The following EBF1 variants were observed in gnomAD, a reference collection of about 807,000 sequenced individuals.
EBF1 encodes EBF transcription factor 1.
Under a neutral mutation model 68.4 loss-of-function variants are expected in EBF1, and 10 were observed. That is an observed-to-expected ratio of 0.15 (90% confidence interval 0.09 to 0.25). The LOEUF is 0.25. Among genes scored for constraint, EBF1 ranks in the 10% least tolerant of loss-of-function variants. The pLI is 1.00. For missense variants in EBF1, 509 were observed against 794.4 expected (o/e 0.64, Z 4.32); for synonymous variants, 298 against 299.8 (o/e 0.99, Z 0.06).
At chr5:158,833,114 A>T (rs116782319) in intron 7 of EBF1, among the ~76,000 whole-genome samples, 2,570 of 152,074 alleles carry the variant, frequency 0.017, 31 homozygotes, top group Non-Finnish European at 0.026. Context: ...ACCTACTTTA[A>T]GAGAGGTTGT....
chr5:158,733,644 G>A (rs1342285459), intron 10 of EBF1, among the ~76,000 whole-genome samples: 4 of 152,156 alleles, frequency 2.6e-5, no homozygotes, highest in African/African-American at 7.2e-5. Context: ...CTCCATGGAC[G>A]TGTACTATGA....
At chr5:158,742,012 C>A (rs887576732) in intron 10 of EBF1, among the ~76,000 whole-genome samples, 1 of 152,162 alleles carries the variant, frequency 6.6e-6, no homozygotes, top group Non-Finnish European at 1.5e-5. Flanking sequence ...CTAAATCCAC[C>A]GAGCTAATGA....
At chr5:158,819,679 T>TG (rs1378416521) in intron 8 of EBF1, among the ~76,000 whole-genome samples, 4 of 152,192 alleles carry the variant, frequency 2.6e-5, no homozygotes, top group African/African-American at 9.7e-5. Flanking sequence ...CCCGAGCTCA[T>TG]GCTTTTTCAA....
intron 10 of EBF1, among the ~76,000 whole-genome samples, chr5:158,738,203 C>T (rs965152435): frequency 3.9e-5 from 6 of 151,918 alleles, no homozygotes; most frequent in African/African-American, 9.7e-5. Flanking sequence ...TGTAGCTTAC[C>T]GTATTATACA....
At chr5:158,787,911 A>G (rs1196814516) in intron 9 of EBF1, among the ~76,000 whole-genome samples, 1 of 152,228 alleles carries the variant, frequency 6.6e-6, no homozygotes, top group Non-Finnish European at 1.5e-5. Context: ...ATCTAAATAT[A>G]AACTACCTAC....
chr5:159,075,967 C>G (rs568742816), intron 5 of EBF1, among the ~76,000 whole-genome samples: 1 of 152,264 alleles, frequency 6.6e-6, no homozygotes, highest in South Asian at 2.1e-4. Flanking sequence ...AGAGCTCAGC[C>G]TATAGCTCCT....
intron 5 of EBF1, among the ~76,000 whole-genome samples, chr5:159,080,918 G>A (rs1296043281): frequency 6.6e-6 from 1 of 152,226 alleles, no homozygotes; most frequent in Non-Finnish European, 1.5e-5. Context: ...ACAGCAGACA[G>A]TAGTCCCCCT....
intron 6 of EBF1, among the ~76,000 whole-genome samples, chr5:158,841,405 A>G (rs1451542241): frequency 6.6e-6 from 1 of 152,172 alleles, no homozygotes; most frequent in African/African-American, 2.4e-5. Context: ...AAGTTTTGCA[A>G]TCTCTTTTAC....
At chr5:158,844,726 T>C (rs1374449644) in intron 6 of EBF1, among the ~76,000 whole-genome samples, 4 of 152,238 alleles carry the variant, frequency 2.6e-5, no homozygotes, top group African/African-American at 4.8e-5. Flanking sequence ...TCTTAAACTG[T>C]TTAGTCTACT....
chr5:158,713,244 T>C (rs1759855369), intron 12 of EBF1, 97 bp from the exon 13 acceptor site: 4 of 1,101,476 alleles, frequency 3.6e-6, no homozygotes, highest in South Asian at 8.1e-5. Flanking sequence ...GGGTTTTCAA[T>C]GGTCAGCTGC....
chr5:158,855,668 G>A (rs1300582344), intron 6 of EBF1, among the ~76,000 whole-genome samples: 1 of 152,184 alleles, frequency 6.6e-6, no homozygotes. Flanking sequence ...ACGGTGCTTG[G>A]CATCTGGCAG....
chr5:159,003,209 G>A (rs1762911114), intron 6 of EBF1, among the ~76,000 whole-genome samples: 1 of 152,108 alleles, frequency 6.6e-6, no homozygotes, highest in Non-Finnish European at 1.5e-5. Flanking sequence ...AAACATCACT[G>A]GGTGTGTCTT....
intron 6 of EBF1, among the ~76,000 whole-genome samples, chr5:159,042,870 A>T (rs113132342): frequency 6.6e-6 from 1 of 151,936 alleles, no homozygotes; most frequent in East Asian, 1.9e-4. Context: ...TAAAAAAAAA[A>T]AAATAAAAAA....
At chr5:159,049,440 T>C (rs774908451) in intron 6 of EBF1, among the ~76,000 whole-genome samples, 45 of 152,224 alleles carry the variant, frequency 3.0e-4, no homozygotes, top group Non-Finnish European at 5.9e-4. Flanking sequence ...AAAAATCCAC[T>C]CAAAATGTTT....
At chr5:158,905,116 G>A (rs1418995457) in intron 6 of EBF1, among the ~76,000 whole-genome samples, 4 of 152,262 alleles carry the variant, frequency 2.6e-5, no homozygotes, top group African/African-American at 9.6e-5. Flanking sequence ...AACTTTAACT[G>A]GAATAAGCTC....
intron 6 of EBF1, among the ~76,000 whole-genome samples, chr5:158,980,018 C>T (rs1466969048): frequency 2.0e-5 from 3 of 151,886 alleles, no homozygotes; most frequent in Non-Finnish European, 2.9e-5. Flanking sequence ...GGTTCTTCTC[C>T]GTTGGTATTT....
At chr5:159,078,711 A>C (rs1293514567) in intron 5 of EBF1, among the ~76,000 whole-genome samples, 1 of 152,332 alleles carries the variant, frequency 6.6e-6, no homozygotes, top group Non-Finnish European at 1.5e-5. Flanking sequence ...GGCCAGTCTC[A>C]GGCGTTGGTA....
At chr5:158,895,974 G>A (rs1006398041) in intron 6 of EBF1, among the ~76,000 whole-genome samples, 2 of 151,954 alleles carry the variant, frequency 1.3e-5, no homozygotes, top group African/African-American at 4.8e-5. Context: ...GTTAAAAGAT[G>A]GAAAGGAAAG....
intron 6 of EBF1, among the ~76,000 whole-genome samples, chr5:158,973,367 T>G (rs917389095): frequency 5.3e-5 from 8 of 151,942 alleles, no homozygotes; most frequent in African/African-American, 1.9e-4. Flanking sequence ...TTCTTCACAC[T>G]CTCCTACCCC....
Sources: gnomAD v4.1 joint callset for allele counts (sites outside exome capture counted in the v4.1 genomes callset) on GRCh38, gnomAD v4.1.1 for gene constraint, MANE v1.5 for transcripts, NCBI Gene and HGNC (gene_info 2026-07-23, HGNC 2026-07-21) for gene names.